The following HPSE2 variants were observed in gnomAD, a reference collection of about 807,000 sequenced individuals.
The protein encoded by HPSE2 is heparanase 2 (inactive).
Under a neutral mutation model 60.5 loss-of-function variants are expected in HPSE2, and 38 were observed. The ratio of observed to expected loss-of-function variants is 0.63; its 90% CI spans 0.48 to 0.82. HPSE2 has a LOEUF of 0.82. Ranked by LOEUF, HPSE2 falls within the 40% of genes least tolerant of loss-of-function variation. The probability of loss-of-function intolerance (pLI) is 0.00; values close to 1 mark genes in which losing one functional copy is unlikely to be tolerated. For synonymous variants in HPSE2, 295 were observed against 293.2 expected, an observed-to-expected ratio of 1.01 and a Z score of -0.06; for missense variants, 713 against 740.4, an observed-to-expected ratio of 0.96 and a Z score of 0.43.
chr10:99,147,932 T>C lies in HPSE2; in HGVS notation c.449-3533A>G, dbSNP rs183748926. ...AAGGTAAAGACATGAACACAAATCC[T>C]ACATTTATACTGAAAATTAATGATG... is the stretch of plus-strand genomic sequence containing the variant. On this transcript the variant is annotated intron_variant, in intron 2 of 11. Transcript: ENST00000370552. Among the ~76,000 whole-genome samples the C allele has an allele frequency of 9.6e-4, 146 of 152,266 alleles. 1 individual carries two copies. Among genetic ancestry groups the C allele is most frequent in the Non-Finnish European group, 4.0e-4 (27 of 68,018 alleles).
chr10:98,773,065 A>G (rs917142404), intron 3 of HPSE2, among the ~76,000 whole-genome samples: 1 of 152,168 alleles, frequency 6.6e-6, no homozygotes, highest in Non-Finnish European at 1.5e-5. Flanking sequence ...CTTTCTTCCT[A>G]TGGTGATCTG....
At chr10:98,994,216 C>T (rs1405415505) in intron 3 of HPSE2, among the ~76,000 whole-genome samples, 3 of 152,176 alleles carry the variant, frequency 2.0e-5, no homozygotes, top group Non-Finnish European at 2.9e-5. Context: ...AGAAGGTGCA[C>T]CTCCTTTCAG....
intron 10 of HPSE2, among the ~76,000 whole-genome samples, chr10:98,485,912 G>A (rs1287136138): frequency 6.6e-6 from 1 of 151,980 alleles, no homozygotes; most frequent in Non-Finnish European, 1.5e-5. Context: ...ATGTGGGGAA[G>A]TGGTGGGTGG....
Position 99,175,004 on chromosome 10 carries a change from G to A in HPSE2, c.449-30605C>T, listed in dbSNP as rs115912310. Among the ~76,000 whole-genome samples the A allele has an allele frequency of 9.0e-3, 1,373 of 152,216 alleles. 17 individuals are homozygous for A. Among genetic ancestry groups the A allele is most frequent in the African/African-American group, 0.031 (1,287 of 41,538 alleles). Reference sequence around the variant, plus strand: ...TGGAGTGTTGCCTCACCCAGAAACCGCAAGGGGGTGGTGAACTCCCTCCCC... The same window carrying A: ...TGGAGTGTTGCCTCACCCAGAAACCACAAGGGGGTGGTGAACTCCCTCCCC... On this transcript the variant is annotated intron_variant, in intron 2 of 11. Coordinates refer to ENST00000370552, the MANE Select transcript of HPSE2 (RefSeq NM_021828.5).
At chr10:99,005,423 A>T (rs2135384856) in intron 3 of HPSE2, among the ~76,000 whole-genome samples, 1 of 152,132 alleles carries the variant, frequency 6.6e-6, no homozygotes, top group East Asian at 1.9e-4. Flanking sequence ...CTGCTTGATC[A>T]ATGCTGCTAC....
At position 98,655,992 on chromosome 10, in the gene HPSE2, C is replaced by A. The variant is rs1054755370; in HGVS notation, c.1005-14052G>T. ...GAAACTGCATTGTGTAGAATGTTGT[C>A]CAACAGATGTGAACAGGATAAAATC... is the stretch of plus-strand genomic sequence containing the variant. On this transcript the variant is annotated intron_variant, in intron 6 of 11. Coordinates refer to ENST00000370552, the MANE Select transcript of HPSE2 (RefSeq NM_021828.5). 2.0e-5 allele frequency among the ~76,000 whole-genome samples: 3 copies of A among 152,138 alleles called. No homozygotes were observed. In the South Asian group the frequency reaches 6.2e-4, roughly 32 times the overall value.
At chr10:98,856,822 G>A (rs75742656) in intron 3 of HPSE2, among the ~76,000 whole-genome samples, 1,803 of 152,198 alleles carry the variant, frequency 0.012, 17 homozygotes, top group Admixed American at 0.018. Context: ...CATTCATTAT[G>A]TTAAGTAAAA....
chr10:98,856,946 G>C (rs913340981), intron 3 of HPSE2, among the ~76,000 whole-genome samples: 3 of 152,018 alleles, frequency 2.0e-5, no homozygotes, highest in Non-Finnish European at 4.4e-5. Flanking sequence ...TGACCCGATG[G>C]GCAATCTAGT....
At chr10:98,503,685 T>C (rs1942102486) in intron 9 of HPSE2, among the ~76,000 whole-genome samples, 1 of 152,152 alleles carries the variant, frequency 6.6e-6, no homozygotes, top group South Asian at 2.1e-4. Context: ...TACTCAGCCA[T>C]AAAAAGGATG....
intron 3 of HPSE2, among the ~76,000 whole-genome samples, chr10:98,831,249 T>G (rs563594512): frequency 6.6e-6 from 1 of 152,280 alleles, no homozygotes; most frequent in African/African-American, 2.4e-5. Flanking sequence ...ATATTGGCCT[T>G]CCTGTATTTG....
intron 3 of HPSE2, among the ~76,000 whole-genome samples, chr10:98,930,171 T>G (rs968360429): frequency 7.0e-6 from 1 of 143,658 alleles, no homozygotes; most frequent in African/African-American, 2.8e-5. Flanking sequence ...GTAAGTGTTG[T>G]TCCCCTCCCT....
chr10:98,641,369 T>C (rs1946632055), intron 7 of HPSE2, among the ~76,000 whole-genome samples: 1 of 152,040 alleles, frequency 6.6e-6, no homozygotes, highest in Non-Finnish European at 1.5e-5. Flanking sequence ...GGTGGATCAC[T>C]CGAGGTCAGG....
intron 3 of HPSE2, among the ~76,000 whole-genome samples, chr10:99,014,460 G>T (rs983675244): frequency 6.6e-6 from 1 of 152,038 alleles, no homozygotes; most frequent in African/African-American, 2.4e-5. Flanking sequence ...TATTCCTTTG[G>T]GTATATACTC....
chr10:98,924,049 G>C (rs1266374814), intron 3 of HPSE2, among the ~76,000 whole-genome samples: 1 of 152,102 alleles, frequency 6.6e-6, no homozygotes, highest in Non-Finnish European at 1.5e-5. Flanking sequence ...GTCTTTCTTG[G>C]GAAGGTTTTC....
At chr10:98,818,882 C>G (rs1572449) in intron 3 of HPSE2, among the ~76,000 whole-genome samples, 1,811 of 152,250 alleles carry the variant, frequency 0.012, 24 homozygotes, top group African/African-American at 0.041. Context: ...GGAAACAATG[C>G]AATGTCCACC....
chr10:98,492,864 T>C (rs971329599), intron 9 of HPSE2, among the ~76,000 whole-genome samples: 2 of 152,248 alleles, frequency 1.3e-5, no homozygotes, highest in African/African-American at 4.8e-5. Flanking sequence ...TTTTTAAGTG[T>C]ACAGTTCAGT....
the HPSE2 span, among the ~76,000 whole-genome samples, chr10:99,309,145 A>G: frequency 3.3e-5 from 5 of 152,110 alleles, no homozygotes; most frequent in South Asian, 4.1e-4. Context: ...TAGAAACAGA[A>G]AGTAGATGTG....
At chr10:99,255,563 T>C in the HPSE2 span, among the ~76,000 whole-genome samples, 7 of 147,324 alleles carry the variant, frequency 4.8e-5, no homozygotes, top group Non-Finnish European at 9.0e-5. Flanking sequence ...CATGCACACA[T>C]ACACACACAC....
At chr10:98,735,709 G>T (rs114371593) in intron 4 of HPSE2, among the ~76,000 whole-genome samples, 5 of 152,094 alleles carry the variant, frequency 3.3e-5, no homozygotes, top group Admixed American at 3.3e-4. Flanking sequence ...GGAGCTTTAC[G>T]ATTTGACTGC....
Sources: gnomAD v4.1 joint callset for allele counts (sites outside exome capture counted in the v4.1 genomes callset) on GRCh38, gnomAD v4.1.1 for gene constraint, MANE v1.5 for transcripts, NCBI Gene and HGNC (gene_info 2026-07-23, HGNC 2026-07-21) for gene names.